The following HCN1 variants were observed in gnomAD, a reference collection of about 807,000 sequenced individuals.
HCN1 encodes the protein potassium/sodium hyperpolarization-activated cyclic nucleotide-gated channel 1.
HCN1 carries 13 observed loss-of-function variants against 78.9 expected under a neutral mutation model. That is an observed-to-expected ratio of 0.16 (90% CI 0.11 to 0.26). The LOEUF is 0.26. HCN1 is among the 10% of genes least tolerant of loss of function. The probability of loss-of-function intolerance (pLI) is 1.00; values close to 1 mark genes in which losing one functional copy is unlikely to be tolerated. For missense variants in HCN1, 810 were observed against 1,154.3 expected (o/e 0.70, Z 4.32); for synonymous variants, 552 against 455.5 (o/e 1.21, Z -2.70).
chr5:45,290,430 A>G (rs1745347798), intron 6 of HCN1, among the ~76,000 whole-genome samples: 1 of 152,054 alleles, frequency 6.6e-6, no homozygotes, highest in Non-Finnish European at 1.5e-5. Context: ...TAGGGGACAT[A>G]AACATTCAGT....
At chr5:45,433,429 G>C (rs1191464127) in intron 3 of HCN1, among the ~76,000 whole-genome samples, 1 of 151,784 alleles carries the variant, frequency 6.6e-6, no homozygotes, top group African/African-American at 2.4e-5. Context: ...TTGCTTGGCA[G>C]ATTTTTCTAC....
chr5:45,473,240 G>T (rs180978050), intron 2 of HCN1, among the ~76,000 whole-genome samples: 9 of 151,518 alleles, frequency 5.9e-5, no homozygotes, highest in Non-Finnish European at 1.0e-4. Flanking sequence ...TATATATCTC[G>T]AGAGAACCTT....
chr5:45,695,721 C>T lies in HCN1; in HGVS notation c.373G>A (p.Glu125Lys), dbSNP rs764078270. 1 of 1,612,608 alleles carries T rather than the reference C, an allele frequency of 6.2e-7. No homozygotes were observed. The highest frequency in any genetic ancestry group is 1.7e-5 in the Admixed American group (1 of 60,008). ...GSQKAVEKEQ[E>K]RVKTAGFWII... The stretch of plus-strand genomic sequence containing the variant: ...CAGAAGCCTGCAGTTTTAACCCTTT[C>T]CTGCTCCTTTTCCACCGCCTTCTGG... Residue 125 changes from glutamate to lysine, a missense_variant, in exon 1 of 8, where the codon GAA (glutamate) becomes AAA (lysine). Physicochemically the swap from Glu to Lys is moderately conservative, Grantham distance 56. Coordinates refer to ENST00000303230, the MANE Select transcript of HCN1 (RefSeq NM_021072.4).
chr5:45,295,524 A>G (rs971089440), intron 6 of HCN1, among the ~76,000 whole-genome samples: 5 of 152,058 alleles, frequency 3.3e-5, no homozygotes, highest in African/African-American at 1.2e-4. Flanking sequence ...ACCAAAAAGT[A>G]AAACAAAATA....
chr5:45,566,784 C>T (rs1743715439), intron 2 of HCN1, among the ~76,000 whole-genome samples: 2 of 152,170 alleles, frequency 1.3e-5, no homozygotes, highest in South Asian at 4.1e-4. Flanking sequence ...GGACGGGTTC[C>T]TCCCTATGAG....
At chr5:45,577,578 C>T (rs899267104) in intron 2 of HCN1, among the ~76,000 whole-genome samples, 2 of 151,830 alleles carry the variant, frequency 1.3e-5, no homozygotes, top group Non-Finnish European at 2.9e-5. Flanking sequence ...CCCAATTTTA[C>T]AAAACATTTG....
chr5:45,667,664 A>T (rs984632922), intron 1 of HCN1, among the ~76,000 whole-genome samples: 1 of 152,034 alleles, frequency 6.6e-6, no homozygotes, highest in African/African-American at 2.4e-5. Context: ...AAACTCAAAC[A>T]TTCTAGAATA....
intron 2 of HCN1, among the ~76,000 whole-genome samples, chr5:45,483,657 G>A (rs1041493254): frequency 6.6e-6 from 1 of 152,116 alleles, no homozygotes; most frequent in Non-Finnish European, 1.5e-5. Flanking sequence ...TGCTTTTGCT[G>A]CAGTTGTTTT....
chr5:45,648,228 C>T (rs773374553), intron 1 of HCN1, among the ~76,000 whole-genome samples: 3 of 152,270 alleles, frequency 2.0e-5, no homozygotes, highest in Admixed American at 1.3e-4. Flanking sequence ...CTACAGACAT[C>T]TTTGCATTTC....
chr5:45,587,605 G>A (rs1005501617), intron 2 of HCN1, among the ~76,000 whole-genome samples: 31 of 151,760 alleles, frequency 2.0e-4, no homozygotes, highest in Admixed American at 5.3e-4. Context: ...TGTAAATGAC[G>A]AGTGAATGGG....
chr5:45,452,657 G>C (rs1740948133), intron 3 of HCN1, among the ~76,000 whole-genome samples: 1 of 151,678 alleles, frequency 6.6e-6, no homozygotes, highest in Non-Finnish European at 1.5e-5. Flanking sequence ...AAAGTTTAAA[G>C]AAAATGGGCC....
At chr5:45,578,308 T>C (rs77927497) in intron 2 of HCN1, among the ~76,000 whole-genome samples, 2 of 151,904 alleles carry the variant, frequency 1.3e-5, no homozygotes, top group Admixed American at 6.6e-5. Flanking sequence ...CAAGCAGTGA[T>C]TAGGCGGTCT....
chr5:45,465,955 G>T (rs745469357), intron 2 of HCN1, among the ~76,000 whole-genome samples: 1 of 152,022 alleles, frequency 6.6e-6, no homozygotes, highest in Admixed American at 6.6e-5. Context: ...ATTTTATTTA[G>T]TTGGAGTCCA....
intron 4 of HCN1, among the ~76,000 whole-genome samples, chr5:45,370,821 T>C (rs1328139806): frequency 6.6e-6 from 1 of 152,094 alleles, no homozygotes; most frequent in Non-Finnish European, 1.5e-5. Context: ...AGATAAATAT[T>C]TTTTATGTGC....
chr5:45,443,623 G>A (rs1740727686), intron 3 of HCN1, among the ~76,000 whole-genome samples: 1 of 152,040 alleles, frequency 6.6e-6, no homozygotes, highest in Non-Finnish European at 1.5e-5. Flanking sequence ...AGAATAATCA[G>A]CAATGAAATA....
At chr5:45,445,475 A>G (rs2111580612) in intron 3 of HCN1, among the ~76,000 whole-genome samples, 1 of 152,310 alleles carries the variant, frequency 6.6e-6, no homozygotes, top group Non-Finnish European at 1.5e-5. Context: ...ACAAACAAAA[A>G]GACAGTAGTA....
intron 5 of HCN1, among the ~76,000 whole-genome samples, chr5:45,324,250 T>C (rs568603946): frequency 6.6e-6 from 1 of 151,984 alleles, no homozygotes; most frequent in Non-Finnish European, 1.5e-5. Context: ...TTTTGCAATC[T>C]ACTCATCTGA....
intron 3 of HCN1, among the ~76,000 whole-genome samples, chr5:45,424,064 A>G (rs1740285858): frequency 6.7e-6 from 1 of 149,102 alleles, no homozygotes; most frequent in Non-Finnish European, 1.5e-5. Flanking sequence ...TCACGAGGTC[A>G]GGAAATCGAG....
chr5:45,283,287 A>T (rs1745205412), intron 6 of HCN1, among the ~76,000 whole-genome samples: 1 of 152,178 alleles, frequency 6.6e-6, no homozygotes, highest in Admixed American at 6.6e-5. Context: ...GCAAAAATTG[A>T]CAAATGGGAT....
Sources: gnomAD v4.1 joint callset for allele counts (sites outside exome capture counted in the v4.1 genomes callset) on GRCh38, gnomAD v4.1.1 for gene constraint, MANE v1.5 for transcripts, NCBI Gene and HGNC (gene_info 2026-07-23, HGNC 2026-07-21) for gene names.